The following PPP2R1B variants were observed in gnomAD, a reference collection of about 807,000 sequenced individuals.
PPP2R1B encodes the protein serine/threonine-protein phosphatase 2A 65 kDa regulatory subunit A beta isoform.
In PPP2R1B, 58 loss-of-function variants were observed where a neutral mutation model predicts 72.7. The ratio of observed to expected loss-of-function variants is 0.80; its 90% CI spans 0.65 to 0.99. The LOEUF is 0.99. PPP2R1B is among the 50% of genes least tolerant of loss of function. The pLI, the probability that PPP2R1B is intolerant of heterozygous loss-of-function variation, is 0.00. For synonymous variants in PPP2R1B, 256 were observed against 264.6 expected, an observed-to-expected ratio of 0.97 and a Z score of 0.32; for missense variants, 695 against 733.6, an observed-to-expected ratio of 0.95 and a Z score of 0.61.
intron 3 of PPP2R1B, among the ~76,000 whole-genome samples, chr11:111,762,530 C>T (rs1170059637): frequency 1.3e-5 from 2 of 148,420 alleles, no homozygotes; most frequent in Non-Finnish European, 3.0e-5. Context: ...TACCCAGCCT[C>T]AACACTTCAC....
chr11:111,723,709 C>A, downstream of PPP2R1B: 1 of 1,614,212 alleles, frequency 6.2e-7, no homozygotes, highest in East Asian at 2.2e-5. Context: ...AGATGCAATA[C>A]AGCCCTTTCC....
intron 15 of PPP2R1B, among the ~76,000 whole-genome samples, chr11:111,732,488 C>T (rs1306187372): frequency 6.6e-6 from 1 of 152,178 alleles, no homozygotes; most frequent in Non-Finnish European, 1.5e-5. Flanking sequence ...GTCAGGAGTT[C>T]AAGACCAGCC....
the PPP2R1B span, among the ~76,000 whole-genome samples, chr11:111,695,356 A>C: frequency 6.6e-6 from 1 of 152,096 alleles, no homozygotes; most frequent in South Asian, 2.1e-4. Context: ...ATTCCTAGAA[A>C]TCATTTACTT....
chr11:111,704,177 G>C, the PPP2R1B span, among the ~76,000 whole-genome samples: 1 of 152,082 alleles, frequency 6.6e-6, no homozygotes, highest in African/African-American at 2.4e-5. Flanking sequence ...CTCACTTTGC[G>C]CCCAGTGATG....
intron 15 of PPP2R1B, chr11:111,730,971 C>T (rs894859635): frequency 3.9e-5 from 6 of 152,234 alleles, no homozygotes; most frequent in African/African-American, 1.4e-4. Flanking sequence ...GTGCTCATTT[C>T]AGGCTGCAGA....
chr11:111,751,805 C>T (rs973239785), intron 10 of PPP2R1B, among the ~76,000 whole-genome samples: 2 of 152,088 alleles, frequency 1.3e-5, no homozygotes, highest in Non-Finnish European at 2.9e-5. Context: ...TGGTAAAACC[C>T]CATCTCTATT....
At chr11:111,741,684 C>T (rs1238776384) in intron 14 of PPP2R1B, 72 bp from the exon 15 acceptor site, 3 of 1,501,262 alleles carry the variant, frequency 2.0e-6, no homozygotes, top group South Asian at 1.2e-5. Flanking sequence ...ATATTAAGCA[C>T]AATAACAATG....
At chr11:111,750,993 C>T (rs921860323) in intron 10 of PPP2R1B, among the ~76,000 whole-genome samples, 4 of 152,108 alleles carry the variant, frequency 2.6e-5, no homozygotes, top group East Asian at 1.9e-4. Flanking sequence ...TGTGCACCTC[C>T]GTGCCCAGCT....
intron 3 of PPP2R1B, among the ~76,000 whole-genome samples, chr11:111,764,079 C>T (rs1555052233): frequency 1.3e-5 from 2 of 152,190 alleles, no homozygotes; most frequent in East Asian, 1.9e-4. Flanking sequence ...CTTCCCTGAT[C>T]ACCCGGAGTG....
downstream of PPP2R1B, among the ~76,000 whole-genome samples, chr11:111,723,285 G>A (rs1052415253): frequency 5.3e-5 from 8 of 152,288 alleles, no homozygotes; most frequent in South Asian, 8.3e-4. Flanking sequence ...TCCTGCTCAC[G>A]TTAGTACTGA....
At chr11:111,690,793 C>CT in the PPP2R1B span, among the ~76,000 whole-genome samples, 1 of 152,152 alleles carries the variant, frequency 6.6e-6, no homozygotes, top group Non-Finnish European at 1.5e-5. Context: ...TGAACTCATT[C>CT]TTTTTTTATG....
intron 13 of PPP2R1B, 169 bp downstream of exon 13, chr11:111,742,352 TAA>T: frequency 1.2e-6 from 1 of 820,200 alleles, no homozygotes; most frequent in East Asian, 2.7e-5. Context: ...AGCTTAAATA[TAA>T]AAGTCATAGT....
the PPP2R1B span, among the ~76,000 whole-genome samples, chr11:111,708,711 G>A: frequency 9.9e-4 from 151 of 152,158 alleles, no homozygotes; most frequent in Non-Finnish European, 1.6e-3. Flanking sequence ...AGCTTCCCAA[G>A]TAGCTGGGAC....
At chr11:111,708,238 C>T in the PPP2R1B span, among the ~76,000 whole-genome samples, 4 of 151,884 alleles carry the variant, frequency 2.6e-5, no homozygotes, top group East Asian at 1.9e-4. Context: ...AAAAATTAGC[C>T]GGTTATGGTA....
At chr11:111,712,421 AT>A in the PPP2R1B span, 1 of 1,575,950 alleles carries the variant, frequency 6.3e-7, no homozygotes, top group African/African-American at 1.4e-5. Flanking sequence ...TTGGCGAGAG[AT>A]TTCAGTTTGG....
chr11:111,725,869 A>AC (rs756026345), downstream of PPP2R1B: 1 of 152,520 alleles, frequency 6.6e-6, no homozygotes, highest in South Asian at 2.1e-4. Flanking sequence ...TCGCAGAGGC[A>AC]CTGTGCTCAC....
At chr11:111,737,850 C>A, downstream of PPP2R1B, 1 of 1,247,442 alleles carries the variant, frequency 8.0e-7, no homozygotes, top group Non-Finnish European at 1.0e-6. Context: ...GTCTCCAGAG[C>A]CCCAACCACA....
At chr11:111,733,896 G>C (rs114361306), downstream of PPP2R1B, among the ~76,000 whole-genome samples, 3 of 152,160 alleles carry the variant, frequency 2.0e-5, no homozygotes, top group Non-Finnish European at 4.4e-5. Flanking sequence ...AGCAAGGCCC[G>C]GCTCCCACCC....
the PPP2R1B span, chr11:111,704,858 T>C: frequency 2.8e-6 from 3 of 1,083,902 alleles, no homozygotes; most frequent in South Asian, 1.8e-5. Context: ...AGCTTTCATC[T>C]TGAGACACTT....
Sources: gnomAD v4.1 joint callset for allele counts (sites outside exome capture counted in the v4.1 genomes callset) on GRCh38, gnomAD v4.1.1 for gene constraint, MANE v1.5 for transcripts, NCBI Gene and HGNC (gene_info 2026-07-23, HGNC 2026-07-21) for gene names.